PLGRKT: variants seen among roughly 807,000 people sequenced by gnomAD.
PLGRKT encodes the protein plasminogen receptor (KT).
In PLGRKT, 22 loss-of-function variants were observed where a neutral mutation model predicts 18.5. That is an observed-to-expected ratio of 1.19 (90% confidence interval 0.85 to 1.70). The LOEUF is 1.70. PLGRKT is among the 40% of genes most tolerant of loss of function. The pLI is 0.00. For synonymous variants in PLGRKT, 72 were observed against 52.8 expected (o/e 1.36, Z -1.58); for missense variants, 235 against 174.4 (o/e 1.35, Z -1.96).
chr9:5,381,984 C>T, intron 3 of PLGRKT: 1 of 985,390 alleles, frequency 1.0e-6, no homozygotes, highest in Non-Finnish European at 1.2e-6. Context: ...CACTCCTCCC[C>T]TGGCTTGTTT....
intron 3 of PLGRKT, among the ~76,000 whole-genome samples, chr9:5,424,435 A>G (rs1214461823): frequency 9.3e-6 from 1 of 107,710 alleles, no homozygotes; most frequent in African/African-American, 3.4e-5. Context: ...ATAACATATT[A>G]TAAAATATAT....
chr9:5,381,599 TAA>T (rs1817747554), intron 3 of PLGRKT, among the ~76,000 whole-genome samples: 1 of 152,194 alleles, frequency 6.6e-6, no homozygotes, highest in African/African-American at 2.4e-5. Context: ...GAAAGTTACA[TAA>T]AATGGGGATG....
chr9:5,358,384 C>CAAGGTG (rs1563763025), intron 5 of PLGRKT, 24 bp from the exon 6 acceptor site: 1 of 1,610,602 alleles, frequency 6.2e-7, no homozygotes, highest in Admixed American at 1.7e-5. Context: ...CAGAAATACA[C>CAAGGTG]AAGGTGACAA....
chr9:5,365,451 T>C (rs779187951), intron 3 of PLGRKT, among the ~76,000 whole-genome samples: 5 of 152,234 alleles, frequency 3.3e-5, no homozygotes, highest in African/African-American at 4.8e-5. Context: ...CTCATTTATA[T>C]ACATACTCCT....
chr9:5,407,277 T>C (rs1320389207), intron 3 of PLGRKT, among the ~76,000 whole-genome samples: 1 of 152,212 alleles, frequency 6.6e-6, no homozygotes, highest in African/African-American at 2.4e-5. Flanking sequence ...ATTGCTAATT[T>C]GTCTTCAGTA....
intron 5 of PLGRKT, among the ~76,000 whole-genome samples, chr9:5,360,796 T>C (rs1817245624): frequency 6.6e-6 from 1 of 152,272 alleles, no homozygotes; most frequent in South Asian, 2.1e-4. Context: ...ATTTATTTGC[T>C]GTAATTTATT....
At chr9:5,409,230 G>T (rs1266124179) in intron 3 of PLGRKT, among the ~76,000 whole-genome samples, 1 of 152,222 alleles carries the variant, frequency 6.6e-6, no homozygotes, top group Non-Finnish European at 1.5e-5. Flanking sequence ...ATCTGTGAGG[G>T]TGTTGCCAAA....
chr9:5,395,084 C>T (rs1237766640), intron 3 of PLGRKT, among the ~76,000 whole-genome samples: 1 of 148,100 alleles, frequency 6.8e-6, no homozygotes, highest in African/African-American at 2.5e-5. Flanking sequence ...CTTAGATTTT[C>T]CTAGTGGTGA....
intron 3 of PLGRKT, among the ~76,000 whole-genome samples, chr9:5,404,981 A>G (rs1818228118): frequency 6.6e-6 from 1 of 152,132 alleles, no homozygotes; most frequent in African/African-American, 2.4e-5. Context: ...CTATATACCA[A>G]CAATAGACAA....
chr9:5,422,209 C>T (rs1012767398), intron 3 of PLGRKT, among the ~76,000 whole-genome samples: 3 of 152,134 alleles, frequency 2.0e-5, no homozygotes, highest in Non-Finnish European at 2.9e-5. Flanking sequence ...CGGCCGATCA[C>T]AGGTTGATGG....
At chr9:5,366,648 G>A (rs1259418149) in intron 3 of PLGRKT, among the ~76,000 whole-genome samples, 1 of 152,246 alleles carries the variant, frequency 6.6e-6, no homozygotes, top group East Asian at 1.9e-4. Context: ...CAACATCACT[G>A]AATGTGAAAA....
rs1586721565 is a variant in PLGRKT at position 5,392,526 on chromosome 9, G to C, written c.82-30638C>G. 4 of 152,056 alleles carry C rather than the reference G, an allele frequency of 2.6e-5. No homozygotes were observed. The South Asian group carries it at 8.3e-4, about 31-fold the overall frequency. 9.4% of individuals were successfully genotyped at this position (152,056 alleles called of 1,614,324 possible). A position where few individuals can be genotyped will look rare whatever the true frequency, so the allele number is the denominator to read the frequency against. On this transcript the variant is annotated intron_variant, in intron 3 of 5. Transcript: ENST00000223864. ...TGCATATGTCTCATGAATATGTGAA[G>C]CAGGAGGAGATAAGCATTCCAATTC...
At chr9:5,417,137 C>T (rs7875985) in intron 3 of PLGRKT, among the ~76,000 whole-genome samples, 2,173 of 152,270 alleles carry the variant, frequency 0.014, 49 homozygotes, top group African/African-American at 0.05. Flanking sequence ...GGTTGCCACT[C>T]AAACTTTGAA....
At chr9:5,430,028 G>A (rs1818789898) in intron 3 of PLGRKT, among the ~76,000 whole-genome samples, 2 of 152,126 alleles carry the variant, frequency 1.3e-5, no homozygotes, top group African/African-American at 2.4e-5. Context: ...GCTCAACGCT[G>A]CTCAACTGTG....
chr9:5,433,433 GT>G (rs1818877683), intron 2 of PLGRKT, among the ~76,000 whole-genome samples: 1 of 150,196 alleles, frequency 6.7e-6, no homozygotes, highest in Non-Finnish European at 1.5e-5. Flanking sequence ...CATCTGGGAA[GT>G]GAGGAGTGCC....
At chr9:5,436,898 C>T (rs981357864) in intron 1 of PLGRKT, among the ~76,000 whole-genome samples, 2 of 152,154 alleles carry the variant, frequency 1.3e-5, no homozygotes, top group African/African-American at 2.4e-5. Context: ...ATTGACCTTG[C>T]AATAGGGATA....
chr9:5,429,581 G>A (rs959002644), intron 3 of PLGRKT, among the ~76,000 whole-genome samples: 8 of 152,016 alleles, frequency 5.3e-5, no homozygotes, highest in Non-Finnish European at 7.4e-5. Context: ...GTATGGTCCC[G>A]GTATGCATAG....
rs1220478174 is a variant in PLGRKT, at chr9:5,402,639, G to C, written c.81+29258C>G. ...GGCAGTGACGGACGAGGAAGAGCAG[G>C]GTATGGAGGAGCCAGGTGGGCAGGT... is the stretch of plus-strand genomic sequence containing the variant. On this transcript the variant is annotated intron_variant, in intron 3 of 5. Coordinates refer to ENST00000223864, the MANE Select transcript of PLGRKT (RefSeq NM_018465.4). Among the ~76,000 whole-genome samples, 17 of 151,872 alleles carry C rather than the reference G, an allele frequency of 1.1e-4. 3 individuals are homozygous for C. Among genetic ancestry groups the C allele is most frequent in the African/African-American group, 3.9e-4 (16 of 41,150 alleles).
chr9:5,394,282 T>C (rs6476970), intron 3 of PLGRKT, among the ~76,000 whole-genome samples: 41,383 of 151,476 alleles, frequency 0.27, 6,366 homozygotes, highest in African/African-American at 0.38. Flanking sequence ...GCAGACATAT[T>C]TACTAGTTTC....
Sources: gnomAD v4.1 joint callset for allele counts (sites outside exome capture counted in the v4.1 genomes callset) on GRCh38, gnomAD v4.1.1 for gene constraint, MANE v1.5 for transcripts, NCBI Gene and HGNC (gene_info 2026-07-23, HGNC 2026-07-21) for gene names.